SLC4A10: variants seen among roughly 807,000 people sequenced by gnomAD.
SLC4A10 encodes the protein sodium-driven chloride bicarbonate exchanger.
SLC4A10 carries 42 observed loss-of-function variants against 137.7 expected under a neutral mutation model. The ratio of observed to expected loss-of-function variants is 0.30; its 90% CI spans 0.24 to 0.39. The LOEUF (loss-of-function observed/expected upper bound fraction) is 0.39. Among genes scored for constraint, SLC4A10 ranks in the 10% least tolerant of loss-of-function variants. The probability of loss-of-function intolerance (pLI) is 1.00; values close to 1 mark genes in which losing one functional copy is unlikely to be tolerated. For missense variants in SLC4A10, 925 were observed against 1,355.0 expected, an observed-to-expected ratio of 0.68 and a Z score of 4.98; for synonymous variants, 474 against 464.1, an observed-to-expected ratio of 1.02 and a Z score of -0.27.
At chr2:161,774,998 A>G (rs1055058302) in intron 2 of SLC4A10, among the ~76,000 whole-genome samples, 1 of 151,924 alleles carries the variant, frequency 6.6e-6, no homozygotes, top group Non-Finnish European at 1.5e-5. Flanking sequence ...GAACTATTGT[A>G]GTGGCTTAGG....
At chr2:161,810,034 G>A (rs2056385760) in intron 3 of SLC4A10, among the ~76,000 whole-genome samples, 1 of 151,998 alleles carries the variant, frequency 6.6e-6, no homozygotes, top group African/African-American at 2.4e-5. Context: ...ACATTTGTTT[G>A]TGTTGTCTCT....
At position 161,927,692 on chromosome 2, in the gene SLC4A10, C is replaced by T. The variant is rs532355322; in HGVS notation, c.1998-15100C>T. 2.0e-4 allele frequency among the ~76,000 whole-genome samples: 31 copies of T among 152,132 alleles called. No individual in the cohort carries two copies. The South Asian group carries it at 3.1e-3, about 15-fold the overall frequency. ...ATATACAAGAAAAAAACAAACAACCCCATCAAAAAGTGGGCAAAGGACATG... is the reference window on the plus strand; with the variant it reads ...ATATACAAGAAAAAAACAAACAACCTCATCAAAAAGTGGGCAAAGGACATG... On this transcript the variant is annotated intron_variant, in intron 15 of 26. Coordinates refer to ENST00000446997, the MANE Select transcript of SLC4A10 (RefSeq NM_001178015.2).
At chr2:161,798,931 A>G (rs2055070255) in intron 2 of SLC4A10, among the ~76,000 whole-genome samples, 1 of 149,502 alleles carries the variant, frequency 6.7e-6, no homozygotes, top group African/African-American at 2.5e-5. Context: ...AAGACAGAAG[A>G]AAAGAATCAA....
At chr2:161,711,280 A>G (rs1285567108) in intron 1 of SLC4A10, among the ~76,000 whole-genome samples, 1 of 151,848 alleles carries the variant, frequency 6.6e-6, no homozygotes, top group Non-Finnish European at 1.5e-5. Flanking sequence ...AGACTTGATC[A>G]ATCCTGTCTA....
chr2:161,656,825 A>C (rs968690121), intron 1 of SLC4A10, among the ~76,000 whole-genome samples: 3 of 152,130 alleles, frequency 2.0e-5, no homozygotes, highest in African/African-American at 7.2e-5. Context: ...TGTGAAATGC[A>C]TATATGTTCT....
At chr2:161,749,734 TGTG>T (rs2048762290) in intron 1 of SLC4A10, among the ~76,000 whole-genome samples, 2 of 151,980 alleles carry the variant, frequency 1.3e-5, no homozygotes, top group African/African-American at 4.8e-5. Flanking sequence ...TGTTTGTTCT[TGTG>T]GTGTCTTTGT....
intron 23 of SLC4A10, among the ~76,000 whole-genome samples, chr2:161,966,701 C>T (rs992465921): frequency 6.7e-6 from 1 of 150,156 alleles, no homozygotes; most frequent in African/African-American, 2.5e-5. Flanking sequence ...TGAGCCACTG[C>T]ACTCCAGCCT....
intron 4 of SLC4A10, among the ~76,000 whole-genome samples, chr2:161,850,471 A>G (rs957058981): frequency 6.6e-6 from 1 of 152,106 alleles, no homozygotes; most frequent in African/African-American, 2.4e-5. Flanking sequence ...GAATTTATCC[A>G]TTTCTTCTAG....
intron 1 of SLC4A10, among the ~76,000 whole-genome samples, chr2:161,758,693 C>A (rs567489564): frequency 6.4e-4 from 98 of 152,014 alleles, no homozygotes; most frequent in Middle Eastern, 3.4e-3. Flanking sequence ...TTACAAAGGG[C>A]AACATTTTAT....
At chr2:161,752,559 C>T (rs1336684456) in intron 1 of SLC4A10, among the ~76,000 whole-genome samples, 1 of 152,014 alleles carries the variant, frequency 6.6e-6, no homozygotes, top group East Asian at 1.9e-4. Flanking sequence ...ATTCTATGCT[C>T]ATTGCATTAT....
At position 161,983,075 on chromosome 2, in the gene SLC4A10, C is replaced by T. The variant is rs1206511025; in HGVS notation, c.*27-104C>T. 3 of 979,234 alleles carry T rather than the reference C, an allele frequency of 3.1e-6. No homozygotes were observed. In the African/African-American group the frequency reaches 4.9e-5, roughly 16 times the overall value. 60.7% of individuals were successfully genotyped at this position (979,234 alleles called of 1,614,324 possible). A position where few individuals can be genotyped will look rare whatever the true frequency, so the allele number is the denominator to read the frequency against. The stretch of plus-strand genomic sequence containing the variant: ...CATGAGAGAGCAATGCCTACGGGCT[C>T]TTGTGGTGCTTTGGGGTTGACGGGT... On this transcript the variant is annotated intron_variant, in intron 26 of 26. Coordinates refer to ENST00000446997, the MANE Select transcript of SLC4A10 (RefSeq NM_001178015.2).
intron 4 of SLC4A10, among the ~76,000 whole-genome samples, chr2:161,848,047 G>T (rs1210616271): frequency 6.6e-6 from 1 of 152,018 alleles, no homozygotes; most frequent in East Asian, 1.9e-4. Context: ...GTTATTTTTT[G>T]ACTTTTTAGT....
chr2:161,868,857 TC>T (rs1452493328), intron 6 of SLC4A10, among the ~76,000 whole-genome samples: 2 of 151,722 alleles, frequency 1.3e-5, no homozygotes, highest in African/African-American at 4.8e-5. Flanking sequence ...TTACTCAATG[TC>T]TTTTTTTCAT....
intron 1 of SLC4A10, among the ~76,000 whole-genome samples, chr2:161,758,519 T>C (rs1253043757): frequency 6.6e-6 from 1 of 151,996 alleles, no homozygotes; most frequent in Non-Finnish European, 1.5e-5. Flanking sequence ...GAAACTTCTT[T>C]CCATCTTCAT....
intron 1 of SLC4A10, among the ~76,000 whole-genome samples, chr2:161,728,788 T>A (rs1208660809): frequency 6.6e-6 from 1 of 152,072 alleles, no homozygotes; most frequent in Non-Finnish European, 1.5e-5. Context: ...CTCATGAACA[T>A]CAACGCAGAT....
chr2:161,904,716 C>G, intron 13 of SLC4A10, 60 bp from the exon 14 acceptor site: 1 of 1,589,784 alleles, frequency 6.3e-7, no homozygotes, highest in Non-Finnish European at 8.6e-7. Context: ...ATGTCTTCTC[C>G]TTAGCTACAA....
chr2:161,650,772 G>T (rs987322325), intron 1 of SLC4A10, among the ~76,000 whole-genome samples: 3 of 152,052 alleles, frequency 2.0e-5, no homozygotes, highest in African/African-American at 7.2e-5. Flanking sequence ...GGCCACCTCT[G>T]GACTTTGGGT....
chr2:161,818,133 G>C (rs1184314461), intron 3 of SLC4A10, among the ~76,000 whole-genome samples: 5 of 152,220 alleles, frequency 3.3e-5, no homozygotes, highest in South Asian at 2.1e-4. Context: ...TCTTCCATTT[G>C]TTTGTATCCT....
At chr2:161,968,468 G>A (rs1380957616) in intron 23 of SLC4A10, among the ~76,000 whole-genome samples, 1 of 152,116 alleles carries the variant, frequency 6.6e-6, no homozygotes, top group Non-Finnish European at 1.5e-5. Flanking sequence ...CATGCTTTCT[G>A]AAAAGATACA....
Sources: gnomAD v4.1 joint callset for allele counts (sites outside exome capture counted in the v4.1 genomes callset) on GRCh38, gnomAD v4.1.1 for gene constraint, MANE v1.5 for transcripts, NCBI Gene and HGNC (gene_info 2026-07-23, HGNC 2026-07-21) for gene names.